Variants in BICC1 observed in about 807,000 individuals in gnomAD.
BICC1 encodes the protein BicC family RNA binding protein 1.
BICC1 carries 43 observed loss-of-function variants against 111.0 expected under a neutral mutation model. The observed-to-expected ratio is 0.39, with a 90% CI of 0.30 to 0.50. The LOEUF (loss-of-function observed/expected upper bound fraction) is 0.50, where lower values mean the gene tolerates loss of function less well. Ranked by LOEUF, BICC1 falls within the 20% of genes least tolerant of loss-of-function variation. The pLI is 0.88. For synonymous variants in BICC1, 467 were observed against 434.4 expected (o/e 1.07, Z -0.93); for missense variants, 1,091 against 1,203.2 (o/e 0.91, Z 1.38).
chr10:58,512,664 TG>T (rs975669558), upstream of BICC1, among the ~76,000 whole-genome samples: 9 of 152,032 alleles, frequency 5.9e-5, no homozygotes, highest in African/African-American at 2.2e-4. Flanking sequence ...AGTGCATGTA[TG>T]GAAAGGATTT....
chr10:58,648,635 G>C lies in BICC1; in HGVS notation c.237+27734G>C, dbSNP rs537366755. 1.5e-5 allele frequency: 15 copies of C among 985,078 alleles called. No homozygotes were observed. In the Middle Eastern group the frequency reaches 2.1e-3, roughly 137 times the overall value. The allele number at this position is 985,078 out of a possible 1,614,324, so 61.0% of individuals were successfully genotyped here. On this transcript the variant is annotated intron_variant, in intron 2 of 20. Transcript: ENST00000373886. ...TTTCTCTCTTACAGAGACACACACA[G>C]AGGATCTCATATCTTTAGGCATCAG...
chr10:58,660,348 A>G (rs1838801453), intron 2 of BICC1, among the ~76,000 whole-genome samples: 1 of 151,910 alleles, frequency 6.6e-6, no homozygotes, highest in South Asian at 2.1e-4. Context: ...CCCTAAAATC[A>G]TTTCTCCAGC....
intron 3 of BICC1, among the ~76,000 whole-genome samples, chr10:58,769,966 G>C (rs2132718209): frequency 6.6e-6 from 1 of 152,060 alleles, no homozygotes; most frequent in African/African-American, 2.4e-5. Context: ...AAATATTTCA[G>C]GTTTACATAT....
chr10:58,677,887 A>G (rs944503144), intron 2 of BICC1, among the ~76,000 whole-genome samples: 3 of 152,188 alleles, frequency 2.0e-5, no homozygotes, highest in African/African-American at 4.8e-5. Context: ...GTGGAGGCCA[A>G]TATTCAACAT....
intron 1 of BICC1, among the ~76,000 whole-genome samples, chr10:58,569,487 A>C (rs1250552152): frequency 6.6e-6 from 1 of 152,104 alleles, no homozygotes; most frequent in Non-Finnish European, 1.5e-5. Context: ...GGTTCGCTGC[A>C]CCCATCAGCC....
chr10:58,754,357 A>T (rs1842078761), intron 3 of BICC1, among the ~76,000 whole-genome samples: 1 of 152,242 alleles, frequency 6.6e-6, no homozygotes, highest in Non-Finnish European at 1.5e-5. Flanking sequence ...GTTGAATAGT[A>T]CTTGAAAGAC....
intron 2 of BICC1, among the ~76,000 whole-genome samples, chr10:58,684,102 C>G (rs552167919): frequency 6.6e-6 from 1 of 152,224 alleles, no homozygotes; most frequent in Admixed American, 6.5e-5. Flanking sequence ...TGAATTTCGT[C>G]GAAGGCCTTT....
chr10:58,824,017 T>C, intron 20 of BICC1: 1 of 985,076 alleles, frequency 1.0e-6, no homozygotes, highest in South Asian at 4.7e-5. Context: ...TCCTTGCTTC[T>C]TCAGAGTGAA....
chr10:58,534,231 C>A (rs1209719849), intron 1 of BICC1, among the ~76,000 whole-genome samples: 1 of 151,660 alleles, frequency 6.6e-6, no homozygotes, highest in Non-Finnish European at 1.5e-5. Context: ...GCATGCCTCT[C>A]CCACTTAGAC....
At chr10:58,624,996 G>A (rs1845943329) in intron 2 of BICC1, among the ~76,000 whole-genome samples, 1 of 152,326 alleles carries the variant, frequency 6.6e-6, no homozygotes, top group South Asian at 2.1e-4. Flanking sequence ...CCTGTTTGAT[G>A]GGATTACAGA....
chr10:58,548,737 T>C (rs1283307844), intron 1 of BICC1, among the ~76,000 whole-genome samples: 1 of 152,180 alleles, frequency 6.6e-6, no homozygotes, highest in Admixed American at 6.5e-5. Flanking sequence ...TACATAATCT[T>C]TTCCTTGGCT....
chr10:58,701,042 T>A (rs1229375250), intron 2 of BICC1, among the ~76,000 whole-genome samples: 2 of 152,216 alleles, frequency 1.3e-5, no homozygotes, highest in African/African-American at 4.8e-5. Flanking sequence ...TTGATGTATG[T>A]GAACCATTTC....
chr10:58,546,852 T>C (rs1395121498), intron 1 of BICC1, among the ~76,000 whole-genome samples: 1 of 152,156 alleles, frequency 6.6e-6, no homozygotes, highest in Non-Finnish European at 1.5e-5. Context: ...AATTTAAAAA[T>C]TAGAAAAAAG....
intron 1 of BICC1, among the ~76,000 whole-genome samples, chr10:58,556,243 TCTA>T (rs1843446558): frequency 2.0e-5 from 3 of 152,108 alleles, no homozygotes; most frequent in Admixed American, 1.3e-4. Flanking sequence ...AAAGGTAAAT[TCTA>T]CTCATTTGCA....
chr10:58,813,366 G>C (rs181541952), intron 17 of BICC1, among the ~76,000 whole-genome samples: 1 of 152,228 alleles, frequency 6.6e-6, no homozygotes, highest in African/African-American at 2.4e-5. Context: ...CAGGGGAAAT[G>C]ACAGCTCCCC....
intron 3 of BICC1, among the ~76,000 whole-genome samples, chr10:58,753,080 C>T (rs1003093564): frequency 1.3e-5 from 2 of 152,178 alleles, no homozygotes; most frequent in African/African-American, 2.4e-5. Context: ...TGGGTATTTA[C>T]ACTGCCTCTG....
chr10:58,674,339 G>A (rs1375645417), intron 2 of BICC1, among the ~76,000 whole-genome samples: 1 of 151,094 alleles, frequency 6.6e-6, no homozygotes, highest in Non-Finnish European at 1.5e-5. Flanking sequence ...AATAATTTTT[G>A]TACCATGTCT....
intron 12 of BICC1, 87 bp downstream of exon 12, chr10:58,799,339 G>A: frequency 9.5e-7 from 1 of 1,051,136 alleles, no homozygotes; most frequent in Non-Finnish European, 1.3e-6. Flanking sequence ...GCTAGAATGT[G>A]TGTGTGTGAT....
Position 58,667,980 on chromosome 10 carries a change from GT to G in BICC1, c.238-34087del, listed in dbSNP as rs773608630. Among the ~76,000 whole-genome samples, 5 of 152,138 alleles carry G rather than the reference GT, an allele frequency of 3.3e-5. No individual in the cohort carries two copies. The East Asian group carries it at 9.6e-4, about 29-fold the overall frequency. On this transcript the variant is annotated intron_variant, in intron 2 of 20. Coordinates refer to ENST00000373886, the MANE Select transcript of BICC1 (RefSeq NM_001080512.3). The stretch of plus-strand genomic sequence containing the variant: ...CATGGATACCAGATGTTCAATAAAA[GT>G]TTTTTTCCTTTGTCTCATCTTGGCT...
Sources: gnomAD v4.1 joint callset for allele counts (sites outside exome capture counted in the v4.1 genomes callset) on GRCh38, gnomAD v4.1.1 for gene constraint, MANE v1.5 for transcripts, NCBI Gene and HGNC (gene_info 2026-07-23, HGNC 2026-07-21) for gene names.